PCDH18: variants seen among roughly 807,000 people sequenced by gnomAD.
PCDH18 encodes the protein protocadherin-18.
Under a neutral mutation model 71.5 loss-of-function variants are expected in PCDH18, and 38 were observed. The observed-to-expected ratio is 0.53, with a 90% CI of 0.41 to 0.70. The LOEUF (loss-of-function observed/expected upper bound fraction) is 0.70, where lower values mean the gene tolerates loss of function less well. Among genes scored for constraint, PCDH18 ranks in the 30% least tolerant of loss-of-function variants. The probability of loss-of-function intolerance (pLI) is 0.00; values close to 1 mark genes in which losing one functional copy is unlikely to be tolerated. For missense variants in PCDH18, 1,334 were observed against 1,384.6 expected (o/e 0.96, Z 0.58); for synonymous variants, 565 against 505.4 (o/e 1.12, Z -1.58).
chr4:137,529,452 C>CT (rs1731579729), intron 1 of PCDH18, 150 bp downstream of exon 1: 8 of 551,706 alleles, frequency 1.5e-5, no homozygotes, highest in Non-Finnish European at 2.6e-5. Flanking sequence ...TGCATCTTTG[C>CT]TACATATTCA....
chr4:137,521,567 T>A lies in PCDH18; in HGVS notation c.2870A>T (p.Gln957Leu). 1 of 1,614,036 alleles carries A rather than the reference T, an allele frequency of 6.2e-7. No individual in the cohort carries two copies. The change falls in exon 4 of 4, where the codon CAA (glutamine) becomes CTA (leucine). Residue 957 changes from glutamine (Q) to leucine (L), a missense_variant. Physicochemically the swap from Gln to Leu is moderately radical, Grantham distance 113. Transcript: ENST00000344876. ...CTGATGTGGATGCTGCTGCTGGGGT[T>A]GCGTTGGGAATTCTTCCCCTGGAAT... ...MFIPGEEFPT[Q>L]PQQQHPHQSL... is the part of the protein sequence containing the mutation.
Position 137,529,958 on chromosome 4 carries a change from C to T in PCDH18, c.2131G>A (p.Ala711Thr), listed in dbSNP as rs752270337. The T allele has an allele frequency of 8.7e-6, 14 of 1,613,594 alleles. No homozygotes were observed. The highest frequency in any genetic ancestry group is 1.2e-5 in the Non-Finnish European group (14 of 1,179,768). ...IIIISLGAIC[A>T]VLLVIMVLFA... ...AGCACCATAATAACCAGCAACACTG[C>T]ACAAATTGCTCCTAAGGAAATAATT... Residue 711 changes from alanine to threonine, a missense_variant, in exon 1 of 4, where the codon GCA (alanine) becomes ACA (threonine). By Grantham distance (58) the Ala-to-Thr change is moderately conservative. Transcript: ENST00000344876.
intron 1 of PCDH18, chr4:137,529,065 C>T (rs894167878): frequency 2.5e-5 from 12 of 473,778 alleles, no homozygotes; most frequent in African/African-American, 1.2e-4. Flanking sequence ...AAAGAAGACT[C>T]CCTTTCAAAT....
At chr4:137,528,436 G>C (rs202026681) in intron 3 of PCDH18, 42 bp downstream of exon 3, 1 of 1,562,668 alleles carries the variant, frequency 6.4e-7, no homozygotes, top group East Asian at 2.2e-5. Context: ...CTGGTGTCAC[G>C]GTAGACCTGA....
chr4:137,525,577 T>G (rs1231706831), intron 3 of PCDH18, among the ~76,000 whole-genome samples: 2 of 152,122 alleles, frequency 1.3e-5, no homozygotes, highest in Non-Finnish European at 2.9e-5. Context: ...ATTATACTCA[T>G]AAATAAGGGA....
intron 3 of PCDH18, among the ~76,000 whole-genome samples, chr4:137,527,753 G>A (rs1483734834): frequency 6.6e-6 from 1 of 152,136 alleles, no homozygotes; most frequent in African/African-American, 2.4e-5. Context: ...GGGCTGCTAG[G>A]ATAATATAAT....
In PCDH18 at chr4:137,530,698, T is replaced by A; in HGVS notation, c.1391A>T (p.His464Leu). 6.2e-7 allele frequency: 1 copy of A among 1,612,718 alleles called. No homozygotes were observed. The highest frequency in any genetic ancestry group is 8.5e-7 in the Non-Finnish European group (1 of 1,179,292). Residue 464 changes from histidine (H) to leucine (L), a missense_variant, in exon 1 of 4, where the codon CAC becomes CTC. Transcript: ENST00000344876. ...QINDINDNPP[H>L]FQRSRYEFVI... ...AAATTCATATCGGCTTCTCTGGAAG[T>A]GGGGTGGATTGTCATTGATATCATT...
Position 137,520,965 on chromosome 4 carries a change from T to TTTG in PCDH18, c.*61_*63dup, listed in dbSNP as rs745703723. The stretch of plus-strand genomic sequence containing the variant: ...GGCAATGCCAGTTCTTTCAGGGTTT[T>TTTG]TTGTTGTTGTTGTTGTTCCCTATTT... On this transcript the variant is annotated 3_prime_UTR_variant, in exon 4 of 4. Transcript: ENST00000344876. 4.2e-5 allele frequency: 50 copies of TTTG among 1,199,654 alleles called. No homozygotes were observed. In the East Asian group the frequency reaches 6.4e-4, roughly 15 times the overall value. The allele number at this position is 1,199,654 out of a possible 1,614,324, so 74.3% of individuals were successfully genotyped here.
At chr4:137,528,935 T>C (rs1042580274) in intron 1 of PCDH18, 115 bp from the exon 2 acceptor site, 3 of 787,204 alleles carry the variant, frequency 3.8e-6, no homozygotes, top group Non-Finnish European at 6.5e-6. Flanking sequence ...ATATATTCTC[T>C]CTATTTAAAA....
chr4:137,519,546 C>G lies in PCDH18; in HGVS notation c.*1483G>C, dbSNP rs1209794773. The G allele has an allele frequency of 2.0e-5, 3 of 152,092 alleles. No homozygotes were observed. The highest frequency in any genetic ancestry group is 7.2e-5 in the African/African-American group (3 of 41,404). The allele number at this position is 152,092 out of a possible 1,614,324, so 9.4% of individuals were successfully genotyped here. A position where few individuals can be genotyped will look rare whatever the true frequency, so the allele number is the denominator to read the frequency against. On this transcript the variant is annotated 3_prime_UTR_variant, in exon 4 of 4. Coordinates refer to ENST00000344876, the MANE Select transcript of PCDH18 (RefSeq NM_019035.5). Reference sequence around the variant, plus strand: ...TACAAGTCTCAAACTCATTCCTTTTCCATTGTGTTTTTCTTGTTCGCCCAG... The same window carrying G: ...TACAAGTCTCAAACTCATTCCTTTTGCATTGTGTTTTTCTTGTTCGCCCAG...
chr4:137,523,668 T>C (rs1731367238), intron 3 of PCDH18, among the ~76,000 whole-genome samples: 1 of 152,100 alleles, frequency 6.6e-6, no homozygotes, highest in Non-Finnish European at 1.5e-5. Flanking sequence ...GAAAGGCTTG[T>C]AAGAATACTG....
Position 137,530,682 on chromosome 4 carries a change from T to A in PCDH18, c.1407A>T (p.Arg469=), listed in dbSNP as rs372116432. 2.2e-5 allele frequency: 35 copies of A among 1,612,976 alleles called. No individual in the cohort carries two copies. The highest frequency in any genetic ancestry group is 3.3e-4 in the Middle Eastern group (2 of 6,062). ...NDNPPHFQRS[R]YEFVISENNS... ...TATTTTCTGAAATTACAAATTCATA[T>A]CGGCTTCTCTGGAAGTGGGGTGGAT... Residue 469 remains arginine (R), a synonymous_variant, in exon 1 of 4, where the codon CGA becomes CGT. Coordinates refer to ENST00000344876, the MANE Select transcript of PCDH18 (RefSeq NM_019035.5).
At chr4:137,524,594 C>A (rs1731392529) in intron 3 of PCDH18, among the ~76,000 whole-genome samples, 1 of 152,060 alleles carries the variant, frequency 6.6e-6, no homozygotes, top group South Asian at 2.1e-4. Context: ...TGATGAGAAG[C>A]CAGCTTTTCA....
Position 137,521,589 on chromosome 4 carries a change from G to A in PCDH18, c.2848C>T (p.Pro950Ser), listed in dbSNP as rs2149211706. 6.2e-7 allele frequency: 1 copy of A among 1,613,980 alleles called. No homozygotes were observed. Among genetic ancestry groups the A allele is most frequent in the Non-Finnish European group, 8.5e-7 (1 of 1,180,006 alleles). The change falls in exon 4 of 4, where the codon CCA (proline) becomes TCA (serine). Residue 950 changes from proline (P) to serine (S), a missense_variant. Pro to Ser is a moderately conservative substitution (Grantham distance 74). This residue lies in a region of PCDH18 where 319 missense variants were observed against 316.3 expected (regional missense o/e 1.01). Transcript: ENST00000344876. ...GGTTGCGTTGGGAATTCTTCCCCTGGAATGAACATGTTACTCCTATAATCA... is the reference window on the plus strand; with the variant it reads ...GGTTGCGTTGGGAATTCTTCCCCTGAAATGAACATGTTACTCCTATAATCA... ...SSDYRSNMFI[P>S]GEEFPTQPQQ...
intron 3 of PCDH18, among the ~76,000 whole-genome samples, chr4:137,527,015 C>A (rs1560724148): frequency 6.6e-6 from 1 of 151,486 alleles, no homozygotes; most frequent in African/African-American, 2.4e-5. Flanking sequence ...ACTACTAATT[C>A]CTGCCAAAGC....
At position 137,530,946 on chromosome 4, in the gene PCDH18, C is replaced by G; in HGVS notation, c.1143G>C (p.Leu381Phe). Residue 381 changes from leucine to phenylalanine, a missense_variant, in exon 1 of 4, where the codon TTG (leucine) becomes TTC (phenylalanine). Around this residue, in one of 3 missense-constraint regions of PCDH18, gnomAD observed 1,011 missense variants for 1,048.0 expected, o/e 0.96. Coordinates refer to ENST00000344876, the MANE Select transcript of PCDH18 (RefSeq NM_019035.5). ...EGDPIDTFVA[L>F]VRVQDKDSGL... The stretch of plus-strand genomic sequence containing the variant: ...CAGAATCCTTGTCCTGAACTCTGAC[C>G]AAAGCAACAAATGTATCAATAGGAT... The G allele has an allele frequency of 6.2e-7, 1 of 1,613,726 alleles. No homozygotes were observed. Among genetic ancestry groups the G allele is most frequent in the Non-Finnish European group, 8.5e-7 (1 of 1,179,814 alleles).
chr4:137,532,023 G>A lies in PCDH18; in HGVS notation c.66C>T (p.Asn22=), dbSNP rs905656992. ...TCAAATTCTTGCCCAGTACATCGTG[G>A]TTGAAAGATACTATCAGAAGTGCAA... is the stretch of plus-strand genomic sequence containing the variant. The part of the protein sequence containing the change: ...FVFALLIVSF[N]HDVLGKNLKY... The change falls in exon 1 of 4, where the codon AAC becomes AAT. Residue 22 remains asparagine, a synonymous_variant. Coordinates refer to ENST00000344876, the MANE Select transcript of PCDH18 (RefSeq NM_019035.5). The A allele has an allele frequency of 1.2e-6, 2 of 1,613,514 alleles. No homozygotes were observed. The highest frequency in any genetic ancestry group is 1.7e-6 in the Non-Finnish European group (2 of 1,179,828).
rs768686349 is a variant in PCDH18, at chr4:137,531,260, C to A, written c.829G>T (p.Ala277Ser). Residue 277 changes from alanine to serine, a missense_variant, in exon 1 of 4, where the codon GCT (alanine) becomes TCT (serine). Around this residue, in one of 3 missense-constraint regions of PCDH18, gnomAD observed 1,011 missense variants for 1,048.0 expected, o/e 0.96. Transcript: ENST00000344876. ...DLNATDPDEG[A>S]NGKIVYSFSS... ...AAGGAATATACAATTTTCCCATTAG[C>A]GCCCTCATCTGGATCCGTGGCATTC... 6.2e-7 allele frequency: 1 copy of A among 1,613,756 alleles called. No homozygotes were observed. The highest frequency in any genetic ancestry group is 1.3e-5 in the African/African-American group (1 of 74,996).
chr4:137,529,996 A>C lies in PCDH18; in HGVS notation c.2093T>G (p.Val698Gly). Reference protein sequence around the residue: ...MTSVSQASLDVSMIIIISLGA... With the variant: ...MTSVSQASLDGSMIIIISLGA... ...TAAGGAAATAATTATTATCATGGAG[A>C]CATCCAAGGATGCCTGGCTTACTGA... Residue 698 changes from valine (V) to glycine (G), a missense_variant, in exon 1 of 4, where the codon GTC (valine) becomes GGC (glycine). Physicochemically the swap from Val to Gly is moderately radical, Grantham distance 109. Transcript: ENST00000344876. 6.2e-7 allele frequency: 1 copy of C among 1,613,958 alleles called. No individual in the cohort carries two copies.
Sources: gnomAD v4.1 joint callset for allele counts (sites outside exome capture counted in the v4.1 genomes callset) on GRCh38, gnomAD v4.1.1 for gene constraint, gnomAD v4.1.1 regional missense constraint, MANE v1.5 for transcripts, NCBI Gene and HGNC (gene_info 2026-07-23, HGNC 2026-07-21) for gene names.